Variants in LYRM4 observed in about 807,000 individuals in gnomAD.
The protein encoded by LYRM4 is LYR motif containing 4, also known as LYR motif-containing protein 4.
A neutral mutation model predicts 11.7 loss-of-function variants in LYRM4; 9 were observed. The observed-to-expected ratio is 0.77, with a 90% CI of 0.46 to 1.34. The LOEUF (loss-of-function observed/expected upper bound fraction) is 1.34, where lower values mean the gene tolerates loss of function less well. Ranked by LOEUF, LYRM4 falls within the 40% of genes most tolerant of loss-of-function variation. The pLI is 0.00. For synonymous variants in LYRM4, 42 were observed against 40.4 expected (o/e 1.04, Z -0.15); for missense variants, 133 against 112.5 (o/e 1.18, Z -0.82).
chr6:5,054,311 G>A, the LYRM4 span: 2 of 157,776 alleles, frequency 1.3e-5, no homozygotes, highest in African/African-American at 4.8e-5. Context: ...TCAGTTTCCA[G>A]ATGTGGAAAC....
intron 2 of LYRM4, among the ~76,000 whole-genome samples, chr6:5,168,381 G>C (rs539912342): frequency 6.6e-6 from 1 of 152,194 alleles, no homozygotes; most frequent in Non-Finnish European, 1.5e-5. Flanking sequence ...GCCAATAATG[G>C]AACTCACAAT....
the LYRM4 span, chr6:5,087,158 GTTGT>G: frequency 2.0e-5 from 3 of 152,256 alleles, no homozygotes; most frequent in East Asian, 1.9e-4. Flanking sequence ...CAGACTTGAC[GTTGT>G]TTATTGTGCG....
intron 2 of LYRM4, among the ~76,000 whole-genome samples, chr6:5,133,548 T>TAAGA (rs1452303726): frequency 6.6e-6 from 1 of 152,188 alleles, no homozygotes; most frequent in Non-Finnish European, 1.5e-5. Context: ...GGGTCACACT[T>TAAGA]AAGAGATTAT....
intron 2 of LYRM4, among the ~76,000 whole-genome samples, chr6:5,183,311 G>A (rs1760187664): frequency 1.3e-5 from 2 of 152,202 alleles, no homozygotes; most frequent in Non-Finnish European, 1.5e-5. Flanking sequence ...TTCATCTGCT[G>A]TGGGAGAAAT....
chr6:5,066,506 A>G, the LYRM4 span: 2 of 788,892 alleles, frequency 2.5e-6, no homozygotes, highest in Non-Finnish European at 2.3e-6. Flanking sequence ...TTATTACTCC[A>G]CCACTTCTAG....
In LYRM4 at chr6:5,234,581, G is replaced by T. The variant is rs116034806; in HGVS notation, c.87-17843C>A. 2.5e-3 allele frequency among the ~76,000 whole-genome samples: 383 copies of T among 152,316 alleles called. 2 individuals are homozygous for T. Among genetic ancestry groups the T allele is most frequent in the Non-Finnish European group, 4.2e-3 (285 of 68,028 alleles). On this transcript the variant is annotated intron_variant, in intron 1 of 2. Transcript: ENST00000330636. Reference sequence around the variant, plus strand: ...AGGTGATGTCTTTGAAGGATGAATAGAATTTCACCAGAGGGAAAGCCTTTC... The same window carrying T: ...AGGTGATGTCTTTGAAGGATGAATATAATTTCACCAGAGGGAAAGCCTTTC...
At chr6:5,142,581 G>C (rs1483125993) in intron 2 of LYRM4, among the ~76,000 whole-genome samples, 1 of 152,110 alleles carries the variant, frequency 6.6e-6, no homozygotes, top group Non-Finnish European at 1.5e-5. Context: ...TGATATACAA[G>C]GTCCTTAAAT....
rs186334069 is a variant in LYRM4, at chr6:5,181,821, C to T, written c.207+34797G>A. On this transcript the variant is annotated intron_variant, in intron 2 of 2. Coordinates refer to ENST00000330636, the MANE Select transcript of LYRM4 (RefSeq NM_020408.6). ...AGCTTCACCTCTTACCAGATGACTT[C>T]CAAACTCAGGCCTCCTGCCCAGATG... 7.9e-4 allele frequency among the ~76,000 whole-genome samples: 120 copies of T among 152,320 alleles called. 1 individual carries two copies. Among genetic ancestry groups the T allele is most frequent in the African/African-American group, 2.7e-3 (113 of 41,570 alleles).
intron 2 of LYRM4, among the ~76,000 whole-genome samples, chr6:5,127,956 T>C (rs997595554): frequency 6.6e-6 from 1 of 152,192 alleles, no homozygotes; most frequent in East Asian, 1.9e-4. Flanking sequence ...CAAAAAATAG[T>C]AGAGAGAGGG....
chr6:5,223,307 C>G (rs911028795), intron 1 of LYRM4, among the ~76,000 whole-genome samples: 2 of 152,168 alleles, frequency 1.3e-5, no homozygotes, highest in Non-Finnish European at 2.9e-5. Flanking sequence ...GATACACATG[C>G]CAAGCACAGA....
chr6:5,040,541 G>GAA, the LYRM4 span, among the ~76,000 whole-genome samples: 22 of 148,412 alleles, frequency 1.5e-4, no homozygotes, highest in Middle Eastern at 3.5e-3. Flanking sequence ...ATCTCTAAAA[G>GAA]AAAAAAAAAA....
chr6:5,126,054 G>A (rs146797689), intron 2 of LYRM4, among the ~76,000 whole-genome samples: 7 of 152,316 alleles, frequency 4.6e-5, no homozygotes, highest in African/African-American at 1.4e-4. Context: ...AGAGTAATAC[G>A]TTCCTGTCAC....
the LYRM4 span, among the ~76,000 whole-genome samples, chr6:5,083,865 A>G: frequency 2.0e-5 from 3 of 152,200 alleles, no homozygotes; most frequent in Non-Finnish European, 4.4e-5. Context: ...AACTTTCTAT[A>G]TAAGTAACTG....
chr6:5,134,967 C>T (rs1433061372), intron 2 of LYRM4, among the ~76,000 whole-genome samples: 1 of 137,516 alleles, frequency 7.3e-6, no homozygotes, highest in Non-Finnish European at 1.6e-5. Context: ...GTGGAGGGTG[C>T]GGATCGCTCC....
chr6:5,042,734 T>C, the LYRM4 span: 1 of 152,664 alleles, frequency 6.6e-6, no homozygotes, highest in African/African-American at 2.4e-5. Context: ...TCCAACCCAG[T>C]GACACTCTCA....
the LYRM4 span, among the ~76,000 whole-genome samples, chr6:5,069,332 G>A: frequency 1.3e-5 from 2 of 150,870 alleles, no homozygotes; most frequent in African/African-American, 4.9e-5. Context: ...ATATTAATTT[G>A]TTAAAAAACA....
the LYRM4 span, among the ~76,000 whole-genome samples, chr6:5,096,373 C>T: frequency 6.6e-6 from 1 of 151,886 alleles, no homozygotes; most frequent in African/African-American, 2.4e-5. Context: ...ACCTGTAGCC[C>T]CAGCTACTTG....
intron 2 of LYRM4, among the ~76,000 whole-genome samples, chr6:5,125,995 GT>G (rs1472434085): frequency 6.6e-6 from 1 of 152,234 alleles, no homozygotes; most frequent in Non-Finnish European, 1.5e-5. Context: ...CTTCTGGGCA[GT>G]TTGCGAAGAC....
At chr6:5,240,236 C>T (rs1763798617) in intron 1 of LYRM4, among the ~76,000 whole-genome samples, 1 of 152,096 alleles carries the variant, frequency 6.6e-6, no homozygotes, top group African/African-American at 2.4e-5. Context: ...AAAATCTCAC[C>T]TCCTATCTTT....
Sources: allele counts gnomAD v4.1 joint callset (sites outside exome capture counted in the v4.1 genomes callset), GRCh38; gene constraint gnomAD v4.1.1; transcripts MANE v1.5; gene names NCBI Gene and HGNC (gene_info 2026-07-23, HGNC 2026-07-21).